The following OCRL variants were observed in gnomAD, a reference collection of about 807,000 sequenced individuals.
The protein encoded by OCRL is OCRL inositol polyphosphate-5-phosphatase.
A neutral mutation model predicts 78.9 loss-of-function variants in OCRL; 8 were observed. The observed-to-expected ratio is 0.10, with a 90% confidence interval of 0.06 to 0.18. The LOEUF (loss-of-function observed/expected upper bound fraction) is 0.18. Ranked by LOEUF, OCRL falls within the 10% of genes least tolerant of loss-of-function variation. The probability of loss-of-function intolerance (pLI) is 1.00; values close to 1 mark genes in which losing one functional copy is unlikely to be tolerated. For missense variants in OCRL, 454 were observed against 696.7 expected (o/e 0.65, Z 3.92); for synonymous variants, 240 against 235.4 (o/e 1.02, Z -0.18).
chrX:129,552,830 A>G (rs1328342614), intron 4 of OCRL, among the ~76,000 whole-genome samples: 2 of 112,827 alleles, frequency 1.8e-5, no homozygotes, highest in East Asian at 2.8e-4. Flanking sequence ...CGTAGATGAT[A>G]TTCAAAATCA....
At position 129,559,723 on chromosome X, in the gene OCRL, TAAAG is replaced by T. The variant is rs1490747299; in HGVS notation, c.722+727_722+730del. Among the ~76,000 whole-genome samples the T allele has an allele frequency of 4.5e-5, 5 of 111,571 alleles. No individual in the cohort carries two copies. The Admixed American group carries it at 4.8e-4, about 11-fold the overall frequency. ...CTCTTAACTTACTTACTTTGGTAAA[TAAAG>T]AAAGTTTCACCCAGTCCTCTTGATT... On this transcript the variant is annotated intron_variant, in intron 8 of 23. Coordinates refer to ENST00000371113, the MANE Select transcript of OCRL (RefSeq NM_000276.4).
chrX:129,569,816 G>A (rs1444171657), intron 15 of OCRL, among the ~76,000 whole-genome samples: 3 of 107,402 alleles, frequency 2.8e-5, no homozygotes, highest in Non-Finnish European at 5.8e-5. Context: ...AAGGGATATA[G>A]TGTCATCCCT....
chrX:129,557,965 C>T lies in OCRL; in HGVS notation c.439+15C>T, dbSNP rs757079214. 3 of 1,071,378 alleles carry T rather than the reference C, an allele frequency of 2.8e-6. No homozygotes were observed. Among genetic ancestry groups the T allele is most frequent in the Non-Finnish European group, 3.9e-6 (3 of 767,223 alleles). 88.3% of individuals were successfully genotyped at this position (1,071,378 alleles called of 1,213,427 possible). ...TGTTTTTTCAGGTACTAAAAAGTTC[C>T]TGGTTTCCTTGTTGCTATGGTCATT... On this transcript the variant is annotated intron_variant, in intron 6 of 23. Coordinates refer to ENST00000371113, the MANE Select transcript of OCRL (RefSeq NM_000276.4).
chrX:129,540,638 C>T (rs868542584), intron 1 of OCRL, 106 bp from the exon 2 acceptor site: 21 of 158,364 alleles, frequency 1.3e-4, no homozygotes, highest in Non-Finnish European at 2.4e-4. Flanking sequence ...CGGGGCGGGG[C>T]GGGGGAGGGC....
intron 16 of OCRL, 89 bp from the exon 17 acceptor site, chrX:129,575,807 AC>A: frequency 2.8e-6 from 3 of 1,054,516 alleles, no homozygotes; most frequent in Non-Finnish European, 4.0e-6. Flanking sequence ...CTTAACAATT[AC>A]CTTACTCCTC....
intron 1 of OCRL, 84 bp downstream of exon 1, chrX:129,540,562 G>A: frequency 1.9e-6 from 2 of 1,057,604 alleles, no homozygotes; most frequent in Non-Finnish European, 2.5e-6. Flanking sequence ...GGTGGGGCGG[G>A]GCAACCGGGT....
intron 19 of OCRL, 188 bp from the exon 20 acceptor site, chrX:129,586,814 T>A (rs1364883583): frequency 1.8e-6 from 1 of 547,536 alleles, no homozygotes; most frequent in East Asian, 3.4e-5. Flanking sequence ...GGAAAGGACA[T>A]CCTTTAACTA....
At chrX:129,557,727 A>G (rs1228538025) in intron 5 of OCRL, 134 bp from the exon 6 acceptor site, 1 of 573,847 alleles carries the variant, frequency 1.7e-6, no homozygotes, top group Non-Finnish European at 3.2e-6. Flanking sequence ...TCATTTCCTT[A>G]GTTTCTTCCA....
At chrX:129,565,614 G>A (rs144252551) in intron 12 of OCRL, among the ~76,000 whole-genome samples, 158 bp from the exon 13 acceptor site, 1 of 112,131 alleles carries the variant, frequency 8.9e-6, no homozygotes, top group African/African-American at 3.2e-5. Flanking sequence ...GGTGTTGATA[G>A]TAGTTGCCCT....
intron 4 of OCRL, chrX:129,553,137 A>G (rs1357951206): frequency 3.6e-5 from 4 of 112,352 alleles, no homozygotes; most frequent in African/African-American, 1.3e-4. Flanking sequence ...AGGGCACTCA[A>G]AATTAGTGAT....
chrX:129,558,500 T>C, intron 6 of OCRL, 133 bp from the exon 7 acceptor site: 1 of 757,477 alleles, frequency 1.3e-6, no homozygotes, highest in South Asian at 2.4e-5. Context: ...ATCCAAGTAA[T>C]TTCTACCCTT....
In OCRL at chrX:129,561,161, TA is replaced by T. The variant is rs1322555776; in HGVS notation, c.825-17del. The T allele has an allele frequency of 9.7e-7, 1 of 1,032,826 alleles. No individual in the cohort carries two copies. Among genetic ancestry groups the T allele is most frequent in the Admixed American group, 2.2e-5 (1 of 45,808 alleles). The allele number at this position is 1,032,826 out of a possible 1,213,427, so 85.1% of individuals were successfully genotyped here. A position where few individuals can be genotyped will look rare whatever the true frequency, so the allele number is the denominator to read the frequency against. ...AATTATGGGATATGTATAGATCTCA[TA>T]TCCCTTTTTTCCTCAGATTCCAAGA... On this transcript the variant is annotated splice_polypyrimidine_tract_variant and intron_variant, in intron 9 of 23. Coordinates refer to ENST00000371113, the MANE Select transcript of OCRL (RefSeq NM_000276.4).
intron 3 of OCRL, 74 bp downstream of exon 3, chrX:129,545,111 A>G: frequency 1.7e-6 from 1 of 583,279 alleles, no homozygotes; most frequent in East Asian, 3.3e-5. Flanking sequence ...AATACCATAC[A>G]TATTTAAATT....
At chrX:129,560,258 T>A (rs751264670) in intron 8 of OCRL, among the ~76,000 whole-genome samples, 31 of 112,463 alleles carry the variant, frequency 2.8e-4, no homozygotes, top group Non-Finnish European at 5.1e-4. Flanking sequence ...AGTATGAGTT[T>A]GGATGGAGCT....
intron 18 of OCRL, among the ~76,000 whole-genome samples, chrX:129,583,275 G>C (rs1452973301): frequency 1.8e-5 from 2 of 111,842 alleles, no homozygotes; most frequent in African/African-American, 6.5e-5. Flanking sequence ...TTTAAGTGGG[G>C]TTTCTCACTG....
At chrX:129,542,440 T>A (rs1602764936) in intron 2 of OCRL, among the ~76,000 whole-genome samples, 1 of 98,737 alleles carries the variant, frequency 1.0e-5, no homozygotes, top group African/African-American at 3.4e-5. Context: ...ACTATAGTTT[T>A]AAATACATAT....
intron 18 of OCRL, among the ~76,000 whole-genome samples, chrX:129,580,930 A>G (rs775027979): frequency 5.4e-5 from 6 of 112,065 alleles, no homozygotes; most frequent in Non-Finnish European, 9.4e-5. Flanking sequence ...CAGTGGCACA[A>G]TCTTGGCTCA....
chrX:129,554,266 A>C (rs963937016), intron 4 of OCRL: 2 of 111,175 alleles, frequency 1.8e-5, no homozygotes, highest in Admixed American at 9.6e-5. Flanking sequence ...TTCTATGATG[A>C]CAAAATCCAG....
At chrX:129,545,291 T>C (rs934814285) in intron 3 of OCRL, among the ~76,000 whole-genome samples, 3 of 112,631 alleles carry the variant, frequency 2.7e-5, no homozygotes, top group Non-Finnish European at 5.6e-5. Flanking sequence ...TGTAGATTGT[T>C]ACCTGTGTAG....
Sources: allele counts gnomAD v4.1 joint callset (sites outside exome capture counted in the v4.1 genomes callset), GRCh38; gene constraint gnomAD v4.1.1; transcripts MANE v1.5; gene names NCBI Gene and HGNC (gene_info 2026-07-23, HGNC 2026-07-21).